The following RAPGEF1 variants were observed in gnomAD, a reference collection of about 807,000 sequenced individuals.
RAPGEF1 encodes CRK SH3-binding GNRP.
Under a neutral mutation model 143.3 loss-of-function variants are expected in RAPGEF1, and 33 were observed. The observed-to-expected ratio is 0.23, with a 90% CI of 0.17 to 0.31. The LOEUF (loss-of-function observed/expected upper bound fraction) is 0.31, where lower values mean the gene tolerates loss of function less well. RAPGEF1 is among the 10% of genes least tolerant of loss of function. The pLI is 1.00. For synonymous variants in RAPGEF1, 629 were observed against 676.5 expected, an observed-to-expected ratio of 0.93 and a Z score of 1.09; for missense variants, 1,199 against 1,645.4, an observed-to-expected ratio of 0.73 and a Z score of 4.69.
chr9:131,726,605 G>C (rs4740305), intron 1 of RAPGEF1, among the ~76,000 whole-genome samples: 42,839 of 104,642 alleles, frequency 0.41, 6,118 homozygotes, highest in Non-Finnish European at 0.46. Flanking sequence ...CAGCCTGGGG[G>C]ACAGAGCGAG....
intron 1 of RAPGEF1, among the ~76,000 whole-genome samples, chr9:131,719,636 C>T (rs1419780095): frequency 1.4e-5 from 2 of 140,556 alleles, no homozygotes; most frequent in East Asian, 4.4e-4. Context: ...TCATTAGGCA[C>T]TTAGCCCATG....
chr9:131,618,042 T>A (rs1385482100), intron 12 of RAPGEF1, among the ~76,000 whole-genome samples: 2 of 152,210 alleles, frequency 1.3e-5, no homozygotes, highest in Non-Finnish European at 2.9e-5. Flanking sequence ...CCTGGACCCA[T>A]GCCCCGTGCA....
intron 3 of RAPGEF1, among the ~76,000 whole-genome samples, chr9:131,644,939 C>G (rs1969134081): frequency 6.6e-6 from 1 of 152,248 alleles, no homozygotes; most frequent in Non-Finnish European, 1.5e-5. Context: ...GCACAAAAGA[C>G]CCAGTCATTT....
intron 12 of RAPGEF1, among the ~76,000 whole-genome samples, chr9:131,613,716 G>C (rs535560280): frequency 7.9e-5 from 12 of 152,278 alleles, no homozygotes; most frequent in Admixed American, 2.0e-4. Flanking sequence ...CCCAGGGTCT[G>C]GTGAGGAGAG....
chr9:131,730,795 C>T lies in RAPGEF1; in HGVS notation c.61+8975G>A, dbSNP rs888795211. Among the ~76,000 whole-genome samples the T allele has an allele frequency of 6.6e-5, 10 of 151,800 alleles. No homozygotes were observed. The East Asian group carries it at 1.7e-3, about 27-fold the overall frequency. ...CAAATTACAACAAAGGCACCTGAGGCTCAGGAGATTAAGCAATTTGCCCAC... is the reference window on the plus strand; with the variant it reads ...CAAATTACAACAAAGGCACCTGAGGTTCAGGAGATTAAGCAATTTGCCCAC... On this transcript the variant is annotated intron_variant, in intron 1 of 26. Transcript: ENST00000683357.
intron 1 of RAPGEF1, among the ~76,000 whole-genome samples, chr9:131,652,374 C>T (rs1299576109): frequency 6.6e-6 from 1 of 151,832 alleles, no homozygotes; most frequent in East Asian, 1.9e-4. Context: ...CTCAGCCTCT[C>T]GAGTGGCTAG....
intron 1 of RAPGEF1, among the ~76,000 whole-genome samples, chr9:131,715,814 G>C (rs1835822649): frequency 6.8e-6 from 1 of 146,420 alleles, no homozygotes; most frequent in Non-Finnish European, 1.5e-5. Flanking sequence ...GCAGTGAGTG[G>C]AGATTGCACC....
Position 131,605,009 on chromosome 9 carries a change from C to A in RAPGEF1, c.2241G>T (p.Gly747=), listed in dbSNP as rs1157266013. 1 of 1,357,628 alleles carries A rather than the reference C, an allele frequency of 7.4e-7. No homozygotes were observed. The highest frequency in any genetic ancestry group is 4.6e-5 in the East Asian group (1 of 21,736). The allele number at this position is 1,357,628 out of a possible 1,614,324, so 84.1% of individuals were successfully genotyped here. Residue 747 remains glycine (G), a synonymous_variant, in exon 13 of 27, where the codon GGG becomes GGT. Coordinates refer to ENST00000683357, the MANE Select transcript of RAPGEF1 (RefSeq NM_001377935.1). ...MAGPPPSTVD[G]PLSASQESSF... is the part of the protein sequence containing the mutation. Reference sequence around the variant, plus strand: ...TGCTCTCCTGAGAAGCCGAGAGAGGCCCGTCCACGGTGCTGGGAGGTGGAC... The same window carrying A: ...TGCTCTCCTGAGAAGCCGAGAGAGGACCGTCCACGGTGCTGGGAGGTGGAC...
At chr9:131,605,482 A>C (rs1381245445) in intron 12 of RAPGEF1, among the ~76,000 whole-genome samples, 1 of 152,192 alleles carries the variant, frequency 6.6e-6, no homozygotes, top group African/African-American at 2.4e-5. Flanking sequence ...GCTGGGACAG[A>C]AAATAAAACC....
Position 131,584,658 on chromosome 9 carries a change from C to G in RAPGEF1, c.3234-62G>C. On this transcript the variant is annotated intron_variant, in intron 22 of 26. Transcript: ENST00000683357. The surrounding 1 kb of genome is among the most constrained non-coding windows in gnomAD (Gnocchi z 6.8). ...ACAAGTCCCTGCAGGTCCCAGGGGT[C>G]CTGGTGGAGACAGGACCTGTACGAC... is the stretch of plus-strand genomic sequence containing the variant. 6.4e-7 allele frequency: 1 copy of G among 1,555,946 alleles called. No homozygotes were observed. Among genetic ancestry groups the G allele is most frequent in the Non-Finnish European group, 8.9e-7 (1 of 1,128,228 alleles).
chr9:131,715,274 G>T (rs923385678), intron 1 of RAPGEF1, among the ~76,000 whole-genome samples: 6 of 152,148 alleles, frequency 3.9e-5, no homozygotes, highest in Non-Finnish European at 8.8e-5. Flanking sequence ...CTAAATTCAG[G>T]GTGGGGGACG....
At chr9:131,713,428 T>C (rs1041173237) in intron 1 of RAPGEF1, among the ~76,000 whole-genome samples, 1 of 152,102 alleles carries the variant, frequency 6.6e-6, no homozygotes, top group Non-Finnish European at 1.5e-5. Context: ...ATCTTTATCC[T>C]TGGCTAGGAA....
At chr9:131,668,206 T>G (rs1830744474) in intron 1 of RAPGEF1, among the ~76,000 whole-genome samples, 1 of 152,176 alleles carries the variant, frequency 6.6e-6, no homozygotes, top group African/African-American at 2.4e-5. Flanking sequence ...CTCGCTCCTC[T>G]TATAAACCAC....
intron 22 of RAPGEF1, among the ~76,000 whole-genome samples, chr9:131,585,077 C>T (rs2132137421): frequency 6.6e-6 from 1 of 152,200 alleles, no homozygotes; most frequent in East Asian, 1.9e-4. Context: ...AGCCAAAGGC[C>T]AGTCTCATCT....
chr9:131,644,628 A>G (rs1969042970), intron 3 of RAPGEF1, among the ~76,000 whole-genome samples: 1 of 152,176 alleles, frequency 6.6e-6, no homozygotes, highest in Non-Finnish European at 1.5e-5. Flanking sequence ...AGAAATTAAT[A>G]AAAAGTGCTT....
chr9:131,646,542 G>A (rs1969686034), intron 3 of RAPGEF1, among the ~76,000 whole-genome samples: 1 of 152,138 alleles, frequency 6.6e-6, no homozygotes, highest in Non-Finnish European at 1.5e-5. Flanking sequence ...GAGATGGCGG[G>A]GAAGAGGGTG....
intron 1 of RAPGEF1, among the ~76,000 whole-genome samples, chr9:131,680,864 C>T (rs958314821): frequency 3.9e-5 from 6 of 152,242 alleles, no homozygotes; most frequent in East Asian, 3.9e-4. Flanking sequence ...TAGGGTCTCG[C>T]GGACCGAGCT....
In RAPGEF1 at chr9:131,619,077, G is replaced by A. The variant is rs755023586; in HGVS notation, c.2035C>T (p.Arg679Trp). 67 of 1,358,412 alleles carry A rather than the reference G, an allele frequency of 4.9e-5. 1 individual carries two copies. The highest frequency in any genetic ancestry group is 7.8e-5 in the Admixed American group (4 of 51,470). 84.1% of individuals were successfully genotyped at this position (1,358,412 alleles called of 1,614,324 possible). Residue 679 changes from arginine to tryptophan, a missense_variant, in exon 12 of 27, where the codon CGG becomes TGG. By Grantham distance (101) the Arg-to-Trp change is moderately radical. Coordinates refer to ENST00000683357, the MANE Select transcript of RAPGEF1 (RefSeq NM_001377935.1). ...GAGGGCACGGGCAAGCTGCCGTGCC[G>A]GCTGAGAAAGGAGTTAGAGACGGAC... ...SVSVSNSFLS[R>W]HGSLPVPSYK...
At chr9:131,703,570 G>T (rs915197454) in intron 1 of RAPGEF1, among the ~76,000 whole-genome samples, 3 of 152,098 alleles carry the variant, frequency 2.0e-5, no homozygotes, top group African/African-American at 7.2e-5. Flanking sequence ...GGAAATTGAG[G>T]CCCAGAAATT....
Sources: gnomAD v4.1 joint callset for allele counts (sites outside exome capture counted in the v4.1 genomes callset) on GRCh38, gnomAD v4.1.1 for gene constraint, Gnocchi (gnomAD v3.1) non-coding constraint, MANE v1.5 for transcripts, NCBI Gene and HGNC (gene_info 2026-07-23, HGNC 2026-07-21) for gene names.